Variants in FOCAD observed in about 807,000 individuals in gnomAD.
The protein encoded by FOCAD is KIAA1797.
FOCAD carries 198 observed loss-of-function variants against 225.6 expected under a neutral mutation model. That is an observed-to-expected ratio of 0.88 (90% CI 0.78 to 0.99). The LOEUF (loss-of-function observed/expected upper bound fraction) is 0.99. FOCAD is among the 50% of genes least tolerant of loss of function. FOCAD has a pLI of 0.00. For missense variants in FOCAD, 2,713 were observed against 2,123.6 expected (o/e 1.28, Z -5.46); for synonymous variants, 897 against 755.0 (o/e 1.19, Z -3.08).
intron 39 of FOCAD, among the ~76,000 whole-genome samples, chr9:20,985,081 C>T (rs993277569): frequency 6.6e-6 from 1 of 152,326 alleles, no homozygotes; most frequent in Admixed American, 6.5e-5. Context: ...TGATTACAGG[C>T]CTGAGCCACC....
chr9:20,749,207 G>T (rs1828328273), intron 5 of FOCAD, among the ~76,000 whole-genome samples: 3 of 152,128 alleles, frequency 2.0e-5, no homozygotes. Flanking sequence ...AAGGTTCATT[G>T]TTGGGGGAGA....
intron 28 of FOCAD, among the ~76,000 whole-genome samples, chr9:20,938,330 C>G (rs1317626806): frequency 6.6e-6 from 1 of 152,070 alleles, no homozygotes; most frequent in African/African-American, 2.4e-5. Context: ...GGAACCAACC[C>G]AAATGTCCAA....
At chr9:20,835,459 A>G (rs1017030070) in intron 15 of FOCAD, among the ~76,000 whole-genome samples, 1 of 152,086 alleles carries the variant, frequency 6.6e-6, no homozygotes, top group African/African-American at 2.4e-5. Flanking sequence ...TTTAGGAACA[A>G]TTTAAATTTT....
intron 4 of FOCAD, among the ~76,000 whole-genome samples, chr9:20,739,489 G>C (rs1012966053): frequency 6.6e-6 from 1 of 151,954 alleles, no homozygotes; most frequent in Non-Finnish European, 1.5e-5. Context: ...TGTAATCCCA[G>C]CTACTTGGGA....
At chr9:20,905,772 A>G (rs182630162) in intron 21 of FOCAD, among the ~76,000 whole-genome samples, 1 of 151,986 alleles carries the variant, frequency 6.6e-6, no homozygotes, top group African/African-American at 2.4e-5. Context: ...ACAGGAGAAG[A>G]AGCAAGAGCT....
At chr9:20,668,984 C>T (rs1821978748) in intron 2 of FOCAD, among the ~76,000 whole-genome samples, 1 of 152,146 alleles carries the variant, frequency 6.6e-6, no homozygotes, top group African/African-American at 2.4e-5. Context: ...AGGACTGCAT[C>T]AAAGGTGATT....
chr9:20,679,853 T>A (rs1056750337), upstream of FOCAD, among the ~76,000 whole-genome samples: 1 of 152,060 alleles, frequency 6.6e-6, no homozygotes, highest in African/African-American at 2.4e-5. Context: ...GAGCTGGGCC[T>A]TCTGGAATTA....
chr9:20,668,240 A>T (rs1349694147), intron 2 of FOCAD, among the ~76,000 whole-genome samples: 1 of 152,164 alleles, frequency 6.6e-6, no homozygotes, highest in Non-Finnish European at 1.5e-5. Flanking sequence ...GTTTAATCAT[A>T]AGGGGGAAAA....
chr9:20,725,464 G>T (rs1162064991), intron 4 of FOCAD, among the ~76,000 whole-genome samples: 3 of 152,206 alleles, frequency 2.0e-5, no homozygotes, highest in Non-Finnish European at 1.5e-5. Flanking sequence ...AAAGCCAATA[G>T]TGAGAAACAG....
intron 4 of FOCAD, among the ~76,000 whole-genome samples, chr9:20,728,930 C>T (rs1826434390): frequency 6.6e-6 from 1 of 152,132 alleles, no homozygotes; most frequent in Non-Finnish European, 1.5e-5. Flanking sequence ...GTGTTTTGTT[C>T]TTCTTTCTTC....
At chr9:20,771,682 G>A (rs935096500) in intron 8 of FOCAD, among the ~76,000 whole-genome samples, 4 of 152,192 alleles carry the variant, frequency 2.6e-5, no homozygotes, top group Non-Finnish European at 4.4e-5. Context: ...TTGAACCCTG[G>A]AGGCAGAGGT....
intron 15 of FOCAD, among the ~76,000 whole-genome samples, chr9:20,840,136 A>C (rs1416033221): frequency 1.3e-5 from 2 of 152,092 alleles, no homozygotes; most frequent in Non-Finnish European, 2.9e-5. Context: ...GGTTTTGGCT[A>C]TTCTGGGTCT....
chr9:20,685,196 A>ATTTTTTTTTTTTTTTTTTTTTTTTT (rs397959541), intron 1 of FOCAD, among the ~76,000 whole-genome samples: 3 of 143,066 alleles, frequency 2.1e-5, no homozygotes, highest in Non-Finnish European at 3.0e-5. Flanking sequence ...TGAGTTGGAA[A>ATTTTTTTTTTTTTTTTTTTTTTTTT]TTTTTTTTTT....
At chr9:20,719,307 T>A (rs1211332098) in intron 3 of FOCAD, among the ~76,000 whole-genome samples, 1 of 152,222 alleles carries the variant, frequency 6.6e-6, no homozygotes, top group Non-Finnish European at 1.5e-5. Context: ...GGTCTCGAAC[T>A]TCTGACCTCA....
intron 28 of FOCAD, among the ~76,000 whole-genome samples, chr9:20,938,172 C>T (rs1335972985): frequency 3.9e-5 from 6 of 152,154 alleles, no homozygotes; most frequent in Admixed American, 1.3e-4. Flanking sequence ...GTCAGTGTGG[C>T]GATTCCTCAG....
At chr9:20,951,166 G>C (rs1285737008) in intron 34 of FOCAD, 68 bp downstream of exon 34, 2 of 1,171,480 alleles carry the variant, frequency 1.7e-6, no homozygotes, top group Non-Finnish European at 2.5e-6. Flanking sequence ...TCTGTAGTTT[G>C]TTAAGAGCAT....
chr9:20,867,019 A>T lies in FOCAD; in HGVS notation c.2190+7A>T. On this transcript the variant is annotated splice_region_variant and intron_variant, in intron 18 of 43. Coordinates refer to ENST00000338382, the MANE Select transcript of FOCAD (RefSeq NM_001375567.1). Reference sequence around the variant, plus strand: ...TCTTCATCTGCCTGAAAAGGTAGGCATATCTGCTTTCTCACTGGTATTTCT... The same window carrying T: ...TCTTCATCTGCCTGAAAAGGTAGGCTTATCTGCTTTCTCACTGGTATTTCT... The T allele has an allele frequency of 6.5e-7, 1 of 1,550,292 alleles. No individual in the cohort carries two copies. The highest frequency in any genetic ancestry group is 8.8e-7 in the Non-Finnish European group (1 of 1,139,562).
intron 3 of FOCAD, 52 bp downstream of exon 3, chr9:20,717,920 C>T: frequency 1.4e-6 from 2 of 1,412,666 alleles, no homozygotes; most frequent in Non-Finnish European, 2.0e-6. Flanking sequence ...TTGCTACTAG[C>T]TGGATCACAT....
intron 8 of FOCAD, among the ~76,000 whole-genome samples, chr9:20,775,523 G>A (rs1818665636): frequency 6.6e-6 from 1 of 152,212 alleles, no homozygotes; most frequent in South Asian, 2.1e-4. Flanking sequence ...CTGGCCAGGG[G>A]AACAGAGTAC....
Sources: gnomAD v4.1 joint callset for allele counts (sites outside exome capture counted in the v4.1 genomes callset) on GRCh38, gnomAD v4.1.1 for gene constraint, MANE v1.5 for transcripts, NCBI Gene and HGNC (gene_info 2026-07-23, HGNC 2026-07-21) for gene names.